The following PTPRT variants were observed in gnomAD, a reference collection of about 807,000 sequenced individuals.
PTPRT encodes the protein receptor-type tyrosine-protein phosphatase T.
PTPRT carries 56 observed loss-of-function variants against 176.8 expected under a neutral mutation model. The observed-to-expected ratio is 0.32, with a 90% CI of 0.26 to 0.40. The LOEUF is 0.40. Among genes scored for constraint, PTPRT ranks in the 10% least tolerant of loss-of-function variants. PTPRT has a pLI of 1.00. For synonymous variants in PTPRT, 783 were observed against 739.0 expected (o/e 1.06, Z -0.96); for missense variants, 1,540 against 1,908.2 (o/e 0.81, Z 3.60).
At chr20:43,042,201 A>C (rs1986634701) in intron 1 of PTPRT, among the ~76,000 whole-genome samples, 1 of 152,220 alleles carries the variant, frequency 6.6e-6, no homozygotes, top group Non-Finnish European at 1.5e-5. Flanking sequence ...GAGATTCCTA[A>C]AGACCAGTGG....
intron 9 of PTPRT, among the ~76,000 whole-genome samples, chr20:42,427,298 T>G (rs765279173): frequency 1.3e-4 from 20 of 152,248 alleles, no homozygotes; most frequent in Non-Finnish European, 2.8e-4. Context: ...TCTTTCATCC[T>G]TTTAAGTGTT....
chr20:42,712,167 G>A (rs1289904010), intron 6 of PTPRT, among the ~76,000 whole-genome samples: 1 of 149,458 alleles, frequency 6.7e-6, no homozygotes, highest in East Asian at 2.0e-4. Flanking sequence ...AAATAATCCT[G>A]AATGACATTG....
intron 10 of PTPRT, 100 bp downstream of exon 10, chr20:42,351,984 T>C: frequency 8.8e-7 from 1 of 1,136,626 alleles, no homozygotes; most frequent in South Asian, 1.4e-5. Context: ...ATTCCACCCA[T>C]ATCACAGGGT....
At chr20:42,047,054 C>T in the PTPRT span, among the ~76,000 whole-genome samples, 18 of 152,050 alleles carry the variant, frequency 1.2e-4, no homozygotes, top group Non-Finnish European at 2.2e-4. Context: ...TTGCATAGGC[C>T]CTGACAAACT....
chr20:42,209,200 A>T (rs2055554309), intron 15 of PTPRT, among the ~76,000 whole-genome samples: 1 of 152,232 alleles, frequency 6.6e-6, no homozygotes, highest in Non-Finnish European at 1.5e-5. Flanking sequence ...AGCAGGAAAG[A>T]TCCAAAATTA....
chr20:42,542,413 G>C (rs1404329128), intron 7 of PTPRT, among the ~76,000 whole-genome samples: 1 of 152,000 alleles, frequency 6.6e-6, no homozygotes, highest in African/African-American at 2.4e-5. Context: ...AAATACAAAT[G>C]ACTCATAAAC....
chr20:42,743,436 A>G (rs1229503891), intron 6 of PTPRT, among the ~76,000 whole-genome samples: 1 of 152,226 alleles, frequency 6.6e-6, no homozygotes, highest in African/African-American at 2.4e-5. Context: ...GTGGGAAAGC[A>G]GAGATTTTAT....
intron 15 of PTPRT, among the ~76,000 whole-genome samples, chr20:42,225,612 A>G (rs952659755): frequency 6.6e-6 from 1 of 152,066 alleles, no homozygotes; most frequent in Admixed American, 6.5e-5. Flanking sequence ...GTGTGTTTCA[A>G]TGTTATGAGG....
chr20:42,538,134 G>GAA (rs368637542), intron 7 of PTPRT, among the ~76,000 whole-genome samples: 1 of 145,032 alleles, frequency 6.9e-6, no homozygotes, highest in African/African-American at 2.5e-5. Flanking sequence ...TTATAAAAAA[G>GAA]AAAAAAAAAA....
chr20:42,650,501 GC>G (rs2075010311), intron 7 of PTPRT, among the ~76,000 whole-genome samples: 1 of 152,166 alleles, frequency 6.6e-6, no homozygotes, highest in African/African-American at 2.4e-5. Flanking sequence ...AGTAGAGGGG[GC>G]CTTTTCAAAT....
chr20:43,005,917 T>G (rs2146140168), intron 1 of PTPRT, among the ~76,000 whole-genome samples: 1 of 152,260 alleles, frequency 6.6e-6, no homozygotes, highest in East Asian at 1.9e-4. Context: ...AGACACAACC[T>G]ACAAGCCCAA....
chr20:42,508,734 T>C (rs2071894704), intron 7 of PTPRT, among the ~76,000 whole-genome samples: 1 of 151,672 alleles, frequency 6.6e-6, no homozygotes, highest in South Asian at 2.1e-4. Flanking sequence ...AGAAGTACAT[T>C]CTTGATTTCA....
intron 6 of PTPRT, among the ~76,000 whole-genome samples, chr20:42,681,269 G>A (rs1391714209): frequency 6.6e-6 from 1 of 152,172 alleles, no homozygotes; most frequent in Non-Finnish European, 1.5e-5. Context: ...GAGTCAGCAG[G>A]GAGGAAAAGG....
intron 9 of PTPRT, among the ~76,000 whole-genome samples, chr20:42,362,557 C>T (rs1385693852): frequency 6.6e-6 from 1 of 152,024 alleles, no homozygotes; most frequent in African/African-American, 2.4e-5. Context: ...GAAAAAATGA[C>T]AAGTAAGTGA....
intron 1 of PTPRT, among the ~76,000 whole-genome samples, chr20:43,060,969 C>T (rs190131401): frequency 6.6e-6 from 1 of 152,110 alleles, no homozygotes; most frequent in Non-Finnish European, 1.5e-5. Context: ...ACATACTTTA[C>T]AGTATTTAAA....
chr20:42,754,830 A>C (rs2076807935), intron 6 of PTPRT, among the ~76,000 whole-genome samples: 1 of 152,126 alleles, frequency 6.6e-6, no homozygotes, highest in South Asian at 2.1e-4. Flanking sequence ...CATTTTTTCA[A>C]GTTGAGCCTT....
intron 1 of PTPRT, among the ~76,000 whole-genome samples, chr20:43,055,474 G>A (rs1015961802): frequency 6.6e-6 from 1 of 152,192 alleles, no homozygotes; most frequent in Middle Eastern, 3.4e-3. Context: ...GTCTTTCCTG[G>A]GACTCTGACA....
At chr20:42,161,171 G>A (rs1171984993) in intron 17 of PTPRT, among the ~76,000 whole-genome samples, 181 bp downstream of exon 17, 1 of 152,150 alleles carries the variant, frequency 6.6e-6, no homozygotes, top group Non-Finnish European at 1.5e-5. Context: ...CCTAGTTTCT[G>A]GTTAAAATGC....
intron 1 of PTPRT, among the ~76,000 whole-genome samples, chr20:43,184,225 G>T (rs1407521450): frequency 1.3e-5 from 2 of 152,206 alleles, no homozygotes; most frequent in Admixed American, 1.3e-4. Flanking sequence ...CACTTTAGCA[G>T]CCTGGCTTCA....
Sources: allele counts gnomAD v4.1 joint callset (sites outside exome capture counted in the v4.1 genomes callset), GRCh38; gene constraint gnomAD v4.1.1; transcripts MANE v1.5; gene names NCBI Gene and HGNC (gene_info 2026-07-23, HGNC 2026-07-21).